Variants in SAMD4A observed in about 807,000 individuals in gnomAD.
The protein encoded by SAMD4A is protein Smaug homolog 1.
In SAMD4A, 33 loss-of-function variants were observed where a neutral mutation model predicts 81.3. That is an observed-to-expected ratio of 0.41 (90% CI 0.31 to 0.54). The LOEUF is 0.54. Ranked by LOEUF, SAMD4A falls within the 20% of genes least tolerant of loss-of-function variation. The pLI, the probability that SAMD4A is intolerant of heterozygous loss-of-function variation, is 0.37. For missense variants in SAMD4A, 854 were observed against 951.1 expected (o/e 0.90, Z 1.34); for synonymous variants, 389 against 382.1 (o/e 1.02, Z -0.21).
intron 2 of SAMD4A, among the ~76,000 whole-genome samples, chr14:54,673,012 T>C (rs563630056): frequency 6.6e-6 from 1 of 152,332 alleles, no homozygotes; most frequent in South Asian, 2.1e-4. Context: ...CTGGGACCCT[T>C]TCTCGAAGGT....
chr14:54,654,477 G>A (rs886259662), intron 2 of SAMD4A, among the ~76,000 whole-genome samples: 3 of 152,134 alleles, frequency 2.0e-5, no homozygotes, highest in African/African-American at 7.2e-5. Context: ...CCCACACTAG[G>A]ATTTTGTGAT....
chr14:54,781,458 C>A (rs1173417414), intron 11 of SAMD4A, among the ~76,000 whole-genome samples: 1 of 152,224 alleles, frequency 6.6e-6, no homozygotes, highest in South Asian at 2.1e-4. Flanking sequence ...TGAAAAGATA[C>A]AATTAATGTC....
intron 3 of SAMD4A, among the ~76,000 whole-genome samples, chr14:54,730,156 C>G (rs1157575457): frequency 6.6e-6 from 1 of 152,198 alleles, no homozygotes; most frequent in African/African-American, 2.4e-5. Context: ...AAAAACTGAG[C>G]CATCTGTAGA....
intron 2 of SAMD4A, among the ~76,000 whole-genome samples, chr14:54,584,053 A>T (rs2033548498): frequency 6.6e-6 from 1 of 152,186 alleles, no homozygotes; most frequent in Non-Finnish European, 1.5e-5. Context: ...CAGCTGTCCC[A>T]TAGATAACCT....
upstream of SAMD4A, among the ~76,000 whole-genome samples, chr14:54,566,585 G>A (rs958014500): frequency 1.3e-5 from 2 of 151,722 alleles, no homozygotes. Context: ...CATTCCCCGC[G>A]GGGCCGCCCC....
intron 2 of SAMD4A, among the ~76,000 whole-genome samples, chr14:54,651,886 C>T (rs747023192): frequency 1.3e-5 from 2 of 152,332 alleles, no homozygotes; most frequent in East Asian, 3.9e-4. Context: ...AATGCTGTGG[C>T]AAGTTTCTTG....
At chr14:54,687,248 A>T in intron 2 of SAMD4A, 1 of 408,752 alleles carries the variant, frequency 2.4e-6, no homozygotes, top group South Asian at 1.8e-5. Context: ...GAAAGAGAAA[A>T]GATGGATCCT....
intron 2 of SAMD4A, among the ~76,000 whole-genome samples, chr14:54,629,579 A>T (rs2034844928): frequency 6.6e-6 from 1 of 152,020 alleles, no homozygotes; most frequent in Non-Finnish European, 1.5e-5. Flanking sequence ...TAATGAACCT[A>T]TATTATATTC....
At chr14:54,676,645 A>C (rs2036001171) in intron 2 of SAMD4A, among the ~76,000 whole-genome samples, 1 of 152,158 alleles carries the variant, frequency 6.6e-6, no homozygotes, top group Admixed American at 6.5e-5. Context: ...AGCCTCCCAG[A>C]GTGCTGGGAT....
intron 2 of SAMD4A, among the ~76,000 whole-genome samples, chr14:54,615,655 C>G (rs528937631): frequency 2.0e-5 from 3 of 152,156 alleles, no homozygotes; most frequent in Admixed American, 6.5e-5. Flanking sequence ...TTTTAGAACA[C>G]AAGTCATTCT....
At chr14:54,773,670 A>T (rs1261330088) in intron 9 of SAMD4A, among the ~76,000 whole-genome samples, 1 of 152,210 alleles carries the variant, frequency 6.6e-6, no homozygotes, top group African/African-American at 2.4e-5. Flanking sequence ...CCTGGCCCTT[A>T]TGCAGCCGAC....
At position 54,753,662 on chromosome 14, in the gene SAMD4A, T is replaced by C. The variant is rs2038169016; in HGVS notation, c.1176+2125T>C. Among the ~76,000 whole-genome samples the C allele has an allele frequency of 2.8e-5, 4 of 144,546 alleles. No individual in the cohort carries two copies. In the Admixed American group the frequency reaches 2.8e-4, roughly 10 times the overall value. The allele number at this position is 144,546 out of a possible 152,430, so 94.8% of individuals were successfully genotyped here. A position where few individuals can be genotyped will look rare whatever the true frequency, so the allele number is the denominator to read the frequency against. The stretch of plus-strand genomic sequence containing the variant: ...AAAGTTATTTTTAATGCATATATGT[T>C]ATATATATATTTATAGAATATACAT... On this transcript the variant is annotated intron_variant, in intron 6 of 12. Transcript: ENST00000554335.
Position 54,705,883 on chromosome 14 carries a change from T to C in SAMD4A, c.715+3303T>C, listed in dbSNP as rs576885371. ...TAAATATTCCTTTTTGCTGGACTTA[T>C]CATCCATAGAAATTTCATATAACAA... is the stretch of plus-strand genomic sequence containing the variant. On this transcript the variant is annotated intron_variant, in intron 3 of 12. Coordinates refer to ENST00000554335, the MANE Select transcript of SAMD4A (RefSeq NM_015589.6). Among the ~76,000 whole-genome samples, 31 of 152,336 alleles carry C rather than the reference T, an allele frequency of 2.0e-4. 1 individual carries two copies. Among genetic ancestry groups the C allele is most frequent in the Middle Eastern group, 3.4e-3 (1 of 294 alleles).
In SAMD4A at chr14:54,784,333, G is replaced by C. The variant is rs1183438249; in HGVS notation, c.2045-204G>C. On this transcript the variant is annotated intron_variant, in intron 11 of 12. Coordinates refer to ENST00000554335, the MANE Select transcript of SAMD4A (RefSeq NM_015589.6). ...ACCAGCTATTTTTAGTCTCCGTTTT[G>C]TTCCAGGTTCCCAAGTTCACAGTGG... 4 of 1,550,876 alleles carry C rather than the reference G, an allele frequency of 2.6e-6. No homozygotes were observed. The Admixed American group carries it at 7.8e-5, about 30-fold the overall frequency.
chr14:54,583,474 TG>T (rs1220031036), intron 2 of SAMD4A, among the ~76,000 whole-genome samples: 6 of 152,192 alleles, frequency 3.9e-5, no homozygotes, highest in Non-Finnish European at 7.4e-5. Flanking sequence ...AGAATTCTGT[TG>T]TGCAGTCTTC....
chr14:54,767,734 G>A (rs952131739), intron 8 of SAMD4A, among the ~76,000 whole-genome samples: 1 of 152,222 alleles, frequency 6.6e-6, no homozygotes, highest in Non-Finnish European at 1.5e-5. Flanking sequence ...GCCAGCGGAG[G>A]GGGCTGCAGT....
intron 4 of SAMD4A, 31 bp from the exon 5 acceptor site, chr14:54,748,784 C>T (rs1386568717): frequency 7.1e-7 from 1 of 1,411,668 alleles, no homozygotes; most frequent in South Asian, 1.2e-5. Flanking sequence ...TCTCATTTCT[C>T]TCCCCATCTC....
chr14:54,724,020 G>GGAAGAAGGAA lies in SAMD4A; in HGVS notation c.716-13000_716-12999insAAGGAAGAAG, dbSNP rs764011578. Among the ~76,000 whole-genome samples, 4 of 144,960 alleles carry GGAAGAAGGAA rather than the reference G, an allele frequency of 2.8e-5. No homozygotes were observed. The East Asian group carries it at 8.3e-4, about 30-fold the overall frequency. ...TGGATGGATGGATGGAAGGAAGGAA[G>GGAAGAAGGAA]GAAGGAAGGAAGGAAGGAAGGAAGG... On this transcript the variant is annotated intron_variant, in intron 3 of 12. Coordinates refer to ENST00000554335, the MANE Select transcript of SAMD4A (RefSeq NM_015589.6).
chr14:54,635,481 C>T (rs1251317448), intron 2 of SAMD4A, among the ~76,000 whole-genome samples: 2 of 150,800 alleles, frequency 1.3e-5, no homozygotes, highest in Non-Finnish European at 2.9e-5. Context: ...CAGGTGCAAT[C>T]GCTCACGTCC....
Sources: gnomAD v4.1 joint callset for allele counts (sites outside exome capture counted in the v4.1 genomes callset) on GRCh38, gnomAD v4.1.1 for gene constraint, MANE v1.5 for transcripts, NCBI Gene and HGNC (gene_info 2026-07-23, HGNC 2026-07-21) for gene names.